The following FBXL17 variants were observed in gnomAD, a reference collection of about 807,000 sequenced individuals.
FBXL17 encodes F-box/LRR-repeat protein 17.
In FBXL17, 22 loss-of-function variants were observed where a neutral mutation model predicts 66.2. That is an observed-to-expected ratio of 0.33 (90% CI 0.24 to 0.47). FBXL17 has a LOEUF of 0.47. FBXL17 is among the 20% of genes least tolerant of loss of function. The pLI, the probability that FBXL17 is intolerant of heterozygous loss-of-function variation, is 1.00. For missense variants in FBXL17, 878 were observed against 948.2 expected, an observed-to-expected ratio of 0.93 and a Z score of 0.97; for synonymous variants, 474 against 400.5, an observed-to-expected ratio of 1.18 and a Z score of -2.19.
intron 7 of FBXL17, among the ~76,000 whole-genome samples, chr5:107,975,707 G>T (rs1752551241): frequency 6.6e-6 from 1 of 151,952 alleles, no homozygotes; most frequent in Admixed American, 6.6e-5. Context: ...GAAATGGGTA[G>T]GATGAATTTA....
intron 8 of FBXL17, among the ~76,000 whole-genome samples, chr5:107,872,512 G>T (rs942029298): frequency 4.6e-5 from 7 of 152,208 alleles, no homozygotes; most frequent in Non-Finnish European, 8.8e-5. Flanking sequence ...TAAGAATGGG[G>T]CTGCTCTGGT....
intron 4 of FBXL17, among the ~76,000 whole-genome samples, chr5:108,291,102 T>C (rs376530893): frequency 3.3e-5 from 5 of 152,156 alleles, no homozygotes; most frequent in African/African-American, 1.2e-4. Flanking sequence ...ACAATACATA[T>C]AAAATGTTGA....
chr5:108,068,609 C>T (rs1748209505), intron 6 of FBXL17, among the ~76,000 whole-genome samples: 1 of 152,084 alleles, frequency 6.6e-6, no homozygotes, highest in Admixed American at 6.6e-5. Context: ...GCGCGTGCCA[C>T]CATGCCCAGC....
chr5:108,055,241 A>G (rs1747640582), intron 6 of FBXL17, among the ~76,000 whole-genome samples: 2 of 145,958 alleles, frequency 1.4e-5, no homozygotes, highest in South Asian at 4.4e-4. Context: ...TAAAATTTAG[A>G]CTGCTGGTGA....
chr5:108,094,326 T>C (rs1259100992), intron 6 of FBXL17, among the ~76,000 whole-genome samples: 7 of 152,150 alleles, frequency 4.6e-5, no homozygotes, highest in South Asian at 2.1e-4. Flanking sequence ...TATCTTTGTA[T>C]ACCTTATATC....
At chr5:107,982,459 CA>C (rs558902925) in intron 7 of FBXL17, among the ~76,000 whole-genome samples, 3 of 149,642 alleles carry the variant, frequency 2.0e-5, no homozygotes, top group Admixed American at 1.3e-4. Context: ...AAAAAAAAAA[CA>C]AAAAAAACCA....
At chr5:108,299,586 T>C in intron 4 of FBXL17, 1 of 973,834 alleles carries the variant, frequency 1.0e-6, no homozygotes, top group Non-Finnish European at 1.2e-6. Flanking sequence ...CCTGGCGTTT[T>C]ACTTTCCAAT....
chr5:108,089,038 T>C (rs1406024983), intron 6 of FBXL17, among the ~76,000 whole-genome samples: 1 of 152,152 alleles, frequency 6.6e-6, no homozygotes, highest in Admixed American at 6.5e-5. Flanking sequence ...CCAAATAGTT[T>C]TACGTAAAAT....
At chr5:108,195,770 T>C (rs1753655403) in intron 5 of FBXL17, among the ~76,000 whole-genome samples, 1 of 152,180 alleles carries the variant, frequency 6.6e-6, no homozygotes, top group Non-Finnish European at 1.5e-5. Context: ...TGATTTTGGC[T>C]ATACAGTATT....
intron 3 of FBXL17, among the ~76,000 whole-genome samples, chr5:108,353,771 G>A (rs1160057181): frequency 6.6e-6 from 1 of 152,128 alleles, no homozygotes; most frequent in Non-Finnish European, 1.5e-5. Context: ...GGGAAAAAAA[G>A]AAGCACTGGT....
chr5:107,963,310 C>A (rs2112632476), intron 7 of FBXL17, among the ~76,000 whole-genome samples: 1 of 152,088 alleles, frequency 6.6e-6, no homozygotes, highest in East Asian at 1.9e-4. Context: ...GACATAGTCC[C>A]CTGGTCCCAA....
At chr5:107,952,256 A>C (rs78317010) in intron 7 of FBXL17, among the ~76,000 whole-genome samples, 1,955 of 152,264 alleles carry the variant, frequency 0.013, 44 homozygotes, top group African/African-American at 0.044. Flanking sequence ...TGATCCTTCT[A>C]TGGTTTATTT....
chr5:108,194,081 A>T (rs1753578959), intron 5 of FBXL17, among the ~76,000 whole-genome samples: 1 of 152,138 alleles, frequency 6.6e-6, no homozygotes, highest in Non-Finnish European at 1.5e-5. Flanking sequence ...TTAGGGAACA[A>T]AAATATTTCT....
At chr5:108,133,704 T>TA (rs1014689773) in intron 6 of FBXL17, among the ~76,000 whole-genome samples, 2 of 151,896 alleles carry the variant, frequency 1.3e-5, no homozygotes, top group African/African-American at 4.8e-5. Context: ...GAGAAAAACA[T>TA]AAAAAAAGAA....
intron 3 of FBXL17, among the ~76,000 whole-genome samples, chr5:108,357,311 C>T (rs1460602911): frequency 6.6e-6 from 1 of 151,946 alleles, no homozygotes; most frequent in Non-Finnish European, 1.5e-5. Context: ...AATATGTATT[C>T]ATCTCACAAA....
intron 6 of FBXL17, among the ~76,000 whole-genome samples, chr5:108,184,158 T>C (rs972825249): frequency 6.6e-6 from 1 of 152,148 alleles, no homozygotes; most frequent in Non-Finnish European, 1.5e-5. Context: ...TTATGGCTCA[T>C]GCCTATAATC....
At chr5:108,257,196 A>C (rs1227539703) in intron 4 of FBXL17, among the ~76,000 whole-genome samples, 1 of 152,326 alleles carries the variant, frequency 6.6e-6, no homozygotes, top group African/African-American at 2.4e-5. Flanking sequence ...ACAACAAACA[A>C]AGACAGACAG....
intron 7 of FBXL17, among the ~76,000 whole-genome samples, chr5:107,885,177 C>A (rs1245829929): frequency 1.3e-5 from 2 of 152,068 alleles, no homozygotes; most frequent in Non-Finnish European, 2.9e-5. Context: ...ATTCCTAACT[C>A]CAATGCAATT....
At chr5:108,160,941 A>G (rs1752187407) in intron 6 of FBXL17, among the ~76,000 whole-genome samples, 1 of 152,046 alleles carries the variant, frequency 6.6e-6, no homozygotes, top group African/African-American at 2.4e-5. Context: ...CCTTGCTGAG[A>G]ACAAGAACGC....
Sources: allele counts gnomAD v4.1 joint callset (sites outside exome capture counted in the v4.1 genomes callset), GRCh38; gene constraint gnomAD v4.1.1; transcripts MANE v1.5; gene names NCBI Gene and HGNC (gene_info 2026-07-23, HGNC 2026-07-21).